Variants in SEMA3A observed in about 807,000 individuals in gnomAD.
The protein encoded by SEMA3A is semaphorin 3A.
Under a neutral mutation model 97.9 loss-of-function variants are expected in SEMA3A, and 29 were observed. That is an observed-to-expected ratio of 0.30 (90% confidence interval 0.22 to 0.40). The LOEUF is 0.40. Ranked by LOEUF, SEMA3A falls within the 10% of genes least tolerant of loss-of-function variation. The probability of loss-of-function intolerance (pLI) is 1.00; values close to 1 mark genes in which losing one functional copy is unlikely to be tolerated. For missense variants in SEMA3A, 763 were observed against 951.3 expected, an observed-to-expected ratio of 0.80 and a Z score of 2.60; for synonymous variants, 321 against 323.7, an observed-to-expected ratio of 0.99 and a Z score of 0.09.
intron 3 of SEMA3A, among the ~76,000 whole-genome samples, chr7:84,294,424 C>A (rs6953184): frequency 0.061 from 9,272 of 151,980 alleles, 528 homozygotes; most frequent in East Asian, 0.29. Flanking sequence ...TTGCAATAAT[C>A]CCTTATTTAT....
chr7:83,964,804 A>T (rs1278628698), intron 15 of SEMA3A, among the ~76,000 whole-genome samples: 2 of 152,236 alleles, frequency 1.3e-5, no homozygotes, highest in Non-Finnish European at 2.9e-5. Flanking sequence ...TTTAAAAAAA[A>T]TTGGACATGC....
At position 84,060,492 on chromosome 7, in the gene SEMA3A, T is replaced by G; in HGVS notation, c.520A>C (p.Lys174Gln). The G allele has an allele frequency of 6.3e-7, 1 of 1,595,694 alleles. No homozygotes were observed. The highest frequency in any genetic ancestry group is 8.5e-7 in the Non-Finnish European group (1 of 1,173,216). The part of the protein sequence containing the change: ...NGRGKSPYDP[K>Q]LLTASLLIDG... ...ATTAAAAGGGATGCTGTCAGCAGCT[T>G]AGGGTCATATGGACTCTTCCCACGG... Residue 174 changes from lysine (K) to glutamine (Q), a missense_variant, in exon 5 of 17, where the codon AAG (lysine) becomes CAG (glutamine). Lys to Gln is a moderately conservative substitution (Grantham distance 53, BLOSUM62 1). This residue lies in a region of SEMA3A where 678 missense variants were observed against 881.3 expected (regional missense o/e 0.77). Coordinates refer to ENST00000265362, the MANE Select transcript of SEMA3A (RefSeq NM_006080.3).
intron 3 of SEMA3A, among the ~76,000 whole-genome samples, chr7:84,123,794 A>G (rs1795707233): frequency 6.7e-6 from 1 of 149,630 alleles, no homozygotes; most frequent in Admixed American, 6.7e-5. Flanking sequence ...CCTTATATAT[A>G]TATATTTATC....
intron 6 of SEMA3A, among the ~76,000 whole-genome samples, chr7:84,043,611 G>A (rs1792229033): frequency 6.6e-6 from 1 of 152,100 alleles, no homozygotes. Flanking sequence ...TTTTATGCAT[G>A]AATGTGTAAA....
At chr7:84,462,703 A>G (rs1208596641) in intron 1 of SEMA3A, among the ~76,000 whole-genome samples, 4 of 152,170 alleles carry the variant, frequency 2.6e-5, no homozygotes. Context: ...CTCTAGTAGA[A>G]AAGTTCACCT....
chr7:84,330,880 A>G (rs1801895223), intron 2 of SEMA3A, among the ~76,000 whole-genome samples: 1 of 152,104 alleles, frequency 6.6e-6, no homozygotes, highest in Admixed American at 6.6e-5. Flanking sequence ...GAAATGGATT[A>G]TGTTCTTTAT....
At chr7:83,979,729 A>G (rs1663368113) in intron 14 of SEMA3A, among the ~76,000 whole-genome samples, 1 of 152,178 alleles carries the variant, frequency 6.6e-6, no homozygotes, top group Admixed American at 6.5e-5. Flanking sequence ...CTGCGTATAC[A>G]TTTAATATTA....
rs182972820 is a variant in SEMA3A at position 84,275,042 on chromosome 7, G to A, written c.-83+32165C>T. ...CAAGTTTCACTCTGCCACTTAATAA[G>A]TCTGATCATACTATTATTATTTTTT... On this transcript the variant is annotated intron_variant, in intron 3 of 3. Coordinates refer to the SEMA3A transcript ENST00000424555. Among the ~76,000 whole-genome samples the A allele has an allele frequency of 4.6e-5, 7 of 152,056 alleles. No homozygotes were observed. In the East Asian group the frequency reaches 1.4e-3, roughly 29 times the overall value.
chr7:84,250,591 C>G (rs543347057), intron 3 of SEMA3A, among the ~76,000 whole-genome samples: 1 of 152,196 alleles, frequency 6.6e-6, no homozygotes, highest in South Asian at 2.1e-4. Flanking sequence ...GAGGGAGAGG[C>G]AATCACAGTG....
intron 3 of SEMA3A, among the ~76,000 whole-genome samples, chr7:84,272,771 T>C (rs1368221559): frequency 2.0e-5 from 3 of 152,150 alleles, no homozygotes; most frequent in African/African-American, 7.2e-5. Context: ...CTGTACTATT[T>C]GGTCCCTAGG....
chr7:83,993,331 G>A (rs1200391050), intron 12 of SEMA3A, among the ~76,000 whole-genome samples: 1 of 148,456 alleles, frequency 6.7e-6, no homozygotes, highest in Non-Finnish European at 1.5e-5. Flanking sequence ...AGTTAATATT[G>A]TTATGTGTGA....
At chr7:84,025,576 G>A (rs1381172974) in intron 6 of SEMA3A, among the ~76,000 whole-genome samples, 1 of 152,106 alleles carries the variant, frequency 6.6e-6, no homozygotes, top group Non-Finnish European at 1.5e-5. Context: ...CCAAGGAACG[G>A]GCCTGGAAAA....
chr7:84,185,692 G>GA (rs71078810), intron 1 of SEMA3A, among the ~76,000 whole-genome samples: 159 of 78,048 alleles, frequency 2.0e-3, no homozygotes, highest in Middle Eastern at 0.011. Context: ...ACTCTGGCAG[G>GA]AAAAAAAAAA....
intron 3 of SEMA3A, among the ~76,000 whole-genome samples, chr7:84,282,041 C>T (rs984152294): frequency 1.3e-5 from 2 of 152,114 alleles, no homozygotes; most frequent in East Asian, 3.9e-4. Flanking sequence ...ATGATATTTT[C>T]TATAATATTC....
At chr7:84,426,105 A>C (rs528388045) in intron 1 of SEMA3A, among the ~76,000 whole-genome samples, 2 of 151,930 alleles carry the variant, frequency 1.3e-5, no homozygotes, top group African/African-American at 2.4e-5. Context: ...GTGAGGAATA[A>C]AAAACTACAT....
At chr7:84,189,366 T>C (rs1797974536) in intron 1 of SEMA3A, among the ~76,000 whole-genome samples, 1 of 151,820 alleles carries the variant, frequency 6.6e-6, no homozygotes, top group Admixed American at 6.6e-5. Context: ...TAATGATCAA[T>C]TCAAAATTTA....
At chr7:84,170,700 A>G (rs148294661) in intron 1 of SEMA3A, among the ~76,000 whole-genome samples, 1 of 152,156 alleles carries the variant, frequency 6.6e-6, no homozygotes, top group East Asian at 1.9e-4. Flanking sequence ...TTGTATTTAA[A>G]ATTTTAATTA....
At chr7:84,359,350 G>A (rs189780661) in intron 2 of SEMA3A, among the ~76,000 whole-genome samples, 2 of 151,594 alleles carry the variant, frequency 1.3e-5, no homozygotes, top group African/African-American at 2.4e-5. Context: ...TAGCATGAAG[G>A]GTTGTTGAAT....
At chr7:84,038,906 G>T (rs1792036254) in intron 6 of SEMA3A, among the ~76,000 whole-genome samples, 1 of 151,990 alleles carries the variant, frequency 6.6e-6, no homozygotes, top group Admixed American at 6.6e-5. Context: ...TGTGTTTTAT[G>T]ATTTTAATAC....
Sources: allele counts gnomAD v4.1 joint callset (sites outside exome capture counted in the v4.1 genomes callset), GRCh38; gene constraint gnomAD v4.1.1; regional missense constraint gnomAD v4.1.1; transcripts MANE v1.5; gene names NCBI Gene and HGNC (gene_info 2026-07-23, HGNC 2026-07-21).